ACVR1: variants seen among roughly 807,000 people sequenced by gnomAD.
The protein encoded by ACVR1 is activin A receptor type 1, also known as activin receptor type-1.
A neutral mutation model predicts 57.1 loss-of-function variants in ACVR1; 38 were observed. That is an observed-to-expected ratio of 0.67 (90% CI 0.51 to 0.87). The LOEUF is 0.87. ACVR1 is among the 40% of genes least tolerant of loss of function. The pLI, the probability that ACVR1 is intolerant of heterozygous loss-of-function variation, is 0.00. For synonymous variants in ACVR1, 212 were observed against 228.1 expected (o/e 0.93, Z 0.63); for missense variants, 463 against 638.2 (o/e 0.73, Z 2.96).
intron 2 of ACVR1, among the ~76,000 whole-genome samples, chr2:157,809,419 A>G (rs1409528551): frequency 2.6e-5 from 4 of 152,156 alleles, no homozygotes; most frequent in Non-Finnish European, 4.4e-5. Flanking sequence ...TATATCCATC[A>G]AAAGTATAAA....
chr2:157,747,507 T>TA lies in ACVR1; in HGVS notation c.1265-8938dup, dbSNP rs1240172318. On this transcript the variant is annotated intron_variant, in intron 9 of 10. Transcript: ENST00000434821. The stretch of plus-strand genomic sequence containing the variant: ...ATAAAAACAGCCTATTAAGCAAGAT[T>TA]AAAAAAAATACGAATAAAAAAGATG... Among the ~76,000 whole-genome samples the TA allele has an allele frequency of 4.6e-5, 7 of 151,994 alleles. 1 individual carries two copies. The East Asian group carries it at 5.8e-4, about 13-fold the overall frequency.
intron 1 of ACVR1, among the ~76,000 whole-genome samples, chr2:157,845,660 G>A (rs1689108295): frequency 6.0e-5 from 9 of 151,238 alleles, no homozygotes. Flanking sequence ...GGGAAGGCCT[G>A]AAAGGGCCCC....
At chr2:157,781,916 A>C (rs1686538387) in intron 3 of ACVR1, among the ~76,000 whole-genome samples, 1 of 152,182 alleles carries the variant, frequency 6.6e-6, no homozygotes, top group African/African-American at 2.4e-5. Context: ...TCATATTAGG[A>C]AATTCAGCTT....
intron 2 of ACVR1, among the ~76,000 whole-genome samples, chr2:157,811,653 A>G (rs908351666): frequency 6.6e-6 from 1 of 152,122 alleles, no homozygotes; most frequent in African/African-American, 2.4e-5. Context: ...ATTCTCTGAC[A>G]GATAAGGACT....
chr2:157,738,958 C>G (rs1684643704), intron 9 of ACVR1, among the ~76,000 whole-genome samples: 1 of 152,192 alleles, frequency 6.6e-6, no homozygotes, highest in Non-Finnish European at 1.5e-5. Context: ...GTACCTGAAT[C>G]TAGTGGTTTC....
chr2:157,769,607 C>T (rs2105265404), intron 7 of ACVR1, among the ~76,000 whole-genome samples: 1 of 152,286 alleles, frequency 6.6e-6, no homozygotes, highest in African/African-American at 2.4e-5. Flanking sequence ...TTGGCAATGG[C>T]CTTCCTATGA....
At chr2:157,789,164 CCT>C (rs1491404022) in intron 3 of ACVR1, among the ~76,000 whole-genome samples, 3 of 152,178 alleles carry the variant, frequency 2.0e-5, no homozygotes, top group Non-Finnish European at 2.9e-5. Flanking sequence ...TTGAGCTTGT[CCT>C]TTTTTACCCC....
chr2:157,743,858 A>G (rs1249826309), intron 9 of ACVR1, among the ~76,000 whole-genome samples: 1 of 152,100 alleles, frequency 6.6e-6, no homozygotes, highest in Non-Finnish European at 1.5e-5. Context: ...GAAACTGTGG[A>G]CCTGGCTATG....
chr2:157,866,382 G>A (rs1163879257), intron 1 of ACVR1, among the ~76,000 whole-genome samples: 2 of 152,056 alleles, frequency 1.3e-5, no homozygotes, highest in Non-Finnish European at 2.9e-5. Flanking sequence ...GAGCTGAGGT[G>A]GACACAGCTG....
intron 3 of ACVR1, among the ~76,000 whole-genome samples, chr2:157,789,031 T>C (rs1385491008): frequency 1.3e-5 from 2 of 152,210 alleles, no homozygotes; most frequent in Non-Finnish European, 2.9e-5. Flanking sequence ...CCCCTATCAG[T>C]CTAATTAATA....
chr2:157,848,027 C>G lies in ACVR1; in HGVS notation c.-183+27769G>C, dbSNP rs187487983. ...GAGAAACTATCACAGCCAAGAGGAA[C>G]CCTAGGGGACATAACAACTCAATGT... On this transcript the variant is annotated intron_variant, in intron 1 of 10. Transcript: ENST00000434821. 7.8e-3 allele frequency among the ~76,000 whole-genome samples: 1,187 copies of G among 152,242 alleles called. 19 individuals are homozygous for G. The highest frequency in any genetic ancestry group is 0.027 in the African/African-American group (1,132 of 41,522).
intron 9 of ACVR1, among the ~76,000 whole-genome samples, chr2:157,751,335 A>T (rs1362790595): frequency 1.3e-5 from 2 of 152,234 alleles, no homozygotes; most frequent in Non-Finnish European, 2.9e-5. Context: ...GCCATTTCTG[A>T]CTTGTCTTAC....
chr2:157,756,052 A>AT (rs369644705), intron 9 of ACVR1, among the ~76,000 whole-genome samples: 2 of 152,104 alleles, frequency 1.3e-5, no homozygotes, highest in African/African-American at 4.8e-5. Context: ...GCAAAAAAAA[A>AT]CATAAAGTGG....
At chr2:157,839,880 A>G (rs1482997712) in intron 1 of ACVR1, among the ~76,000 whole-genome samples, 1 of 152,326 alleles carries the variant, frequency 6.6e-6, no homozygotes, top group African/African-American at 2.4e-5. Flanking sequence ...CATTCTGCAG[A>G]AACTCTATGC....
intron 8 of ACVR1, among the ~76,000 whole-genome samples, chr2:157,765,720 T>C (rs1374409639): frequency 1.3e-5 from 2 of 152,184 alleles, no homozygotes; most frequent in Non-Finnish European, 2.9e-5. Context: ...AATAGATGAA[T>C]AAATACATAA....
chr2:157,753,527 C>CA lies in ACVR1; in HGVS notation c.1264+7352dup, dbSNP rs372642818. Among the ~76,000 whole-genome samples the CA allele has an allele frequency of 4.6e-4, 69 of 151,464 alleles. 1 individual carries two copies. Among genetic ancestry groups the CA allele is most frequent in the East Asian group, 2.3e-3 (12 of 5,134 alleles). ...TGGGCGACAGAGCGAGAATCCATCTCAAAAAAAAGAAGCCTTGTCCAGCAG... is the reference window on the plus strand; with the variant it reads ...TGGGCGACAGAGCGAGAATCCATCTCAAAAAAAAAGAAGCCTTGTCCAGCAG... On this transcript the variant is annotated intron_variant, in intron 9 of 10. Coordinates refer to ENST00000434821, the MANE Select transcript of ACVR1 (RefSeq NM_001111067.4).
At chr2:157,825,319 C>A (rs1199847925) in intron 1 of ACVR1, among the ~76,000 whole-genome samples, 2 of 152,166 alleles carry the variant, frequency 1.3e-5, no homozygotes, top group African/African-American at 4.8e-5. Context: ...TTCCATCAGC[C>A]TTTACCCAGT....
In ACVR1 at chr2:157,736,553, T is replaced by C. The variant is rs1188665319; in HGVS notation, c.*978A>G. ...TCTGGCAGAGTTTAAATGCACGTAA[T>C]GGATAATTCTGAAGAAAATGCATTT... On this transcript the variant is annotated 3_prime_UTR_variant, in exon 11 of 11. Transcript: ENST00000434821. 1 of 278,862 alleles carries C rather than the reference T, an allele frequency of 3.6e-6. No individual in the cohort carries two copies. Among genetic ancestry groups the C allele is most frequent in the East Asian group, 5.4e-5 (1 of 18,448 alleles). The allele number at this position is 278,862 out of a possible 1,614,324, so 17.3% of individuals were successfully genotyped here.
intron 5 of ACVR1, among the ~76,000 whole-genome samples, chr2:157,775,188 A>C (rs1322557955): frequency 6.6e-6 from 1 of 152,242 alleles, no homozygotes; most frequent in East Asian, 1.9e-4. Flanking sequence ...ATCATTTCTT[A>C]ATGTGAATCA....
Sources: allele counts gnomAD v4.1 joint callset (sites outside exome capture counted in the v4.1 genomes callset), GRCh38; gene constraint gnomAD v4.1.1; transcripts MANE v1.5; gene names NCBI Gene and HGNC (gene_info 2026-07-23, HGNC 2026-07-21).